The following CERS6 variants were observed in gnomAD, a reference collection of about 807,000 sequenced individuals.
The protein encoded by CERS6 is LAG1 homolog, ceramide synthase 6.
A neutral mutation model predicts 56.8 loss-of-function variants in CERS6; 26 were observed. The ratio of observed to expected loss-of-function variants is 0.46; its 90% CI spans 0.34 to 0.63. The LOEUF is 0.63. Among genes scored for constraint, CERS6 ranks in the 30% least tolerant of loss-of-function variants. CERS6 has a pLI of 0.01. For missense variants in CERS6, 415 were observed against 467.5 expected, an observed-to-expected ratio of 0.89 and a Z score of 1.04; for synonymous variants, 164 against 173.3, an observed-to-expected ratio of 0.95 and a Z score of 0.42.
chr2:168,560,616 A>G (rs1287794310), intron 2 of CERS6, among the ~76,000 whole-genome samples: 1 of 152,192 alleles, frequency 6.6e-6, no homozygotes, highest in Non-Finnish European at 1.5e-5. Context: ...TAGAAGAGGA[A>G]TGTGTGAAAA....
intron 2 of CERS6, among the ~76,000 whole-genome samples, chr2:168,557,113 C>T (rs898056561): frequency 5.3e-5 from 8 of 151,672 alleles, no homozygotes; most frequent in South Asian, 2.1e-4. Context: ...TGCAGTGAGC[C>T]GTGATGGCGC....
chr2:168,706,003 G>A (rs1574177046), intron 6 of CERS6, among the ~76,000 whole-genome samples: 1 of 152,186 alleles, frequency 6.6e-6, no homozygotes, highest in Non-Finnish European at 1.5e-5. Context: ...AACCCAGAAG[G>A]TGTGTCTAAA....
At chr2:168,606,361 T>C (rs1352745971) in intron 3 of CERS6, 1 of 152,266 alleles carries the variant, frequency 6.6e-6, no homozygotes, top group Non-Finnish European at 1.5e-5. Flanking sequence ...ATCTTGGAAG[T>C]AACTAACTTG....
intron 4 of CERS6, among the ~76,000 whole-genome samples, chr2:168,637,793 T>C (rs1382668576): frequency 6.6e-6 from 1 of 152,164 alleles, no homozygotes; most frequent in Non-Finnish European, 1.5e-5. Context: ...GTGGTAGTAA[T>C]GTAATGGATA....
At chr2:168,566,936 A>T (rs1189671593) in intron 3 of CERS6, among the ~76,000 whole-genome samples, 1 of 152,218 alleles carries the variant, frequency 6.6e-6, no homozygotes, top group Non-Finnish European at 1.5e-5. Context: ...CATCAGTTAC[A>T]AAATTTACTG....
intron 3 of CERS6, among the ~76,000 whole-genome samples, chr2:168,611,342 G>T (rs895760153): frequency 6.6e-6 from 1 of 152,136 alleles, no homozygotes; most frequent in African/African-American, 2.4e-5. Context: ...TCAGTACTCT[G>T]AGAGCCAAGT....
chr2:168,772,759 A>C lies in CERS6; in HGVS notation c.*3097A>C, dbSNP rs1684899015. 1 of 152,680 alleles carries C rather than the reference A, an allele frequency of 6.5e-6. No homozygotes were observed. Among genetic ancestry groups the C allele is most frequent in the Admixed American group, 6.5e-5 (1 of 15,288 alleles). The allele number at this position is 152,680 out of a possible 1,614,324, so 9.5% of individuals were successfully genotyped here. A position where few individuals can be genotyped will look rare whatever the true frequency, so the allele number is the denominator to read the frequency against. ...ATTCAAGTGTATGTGGTAAAAATGC[A>C]GATGATTGCTGCTTTACCCCAGGGT... On this transcript the variant is annotated 3_prime_UTR_variant, in exon 10 of 10. Coordinates refer to ENST00000305747, the MANE Select transcript of CERS6 (RefSeq NM_203463.3).
chr2:168,739,052 ATTTTTTTTTTTTTTTTT>A (rs59967315), intron 8 of CERS6, among the ~76,000 whole-genome samples: 2 of 87,624 alleles, frequency 2.3e-5, no homozygotes, highest in Non-Finnish European at 4.0e-5. Context: ...CACCCGGCTA[ATTTTTTTTTTTTTTTTT>A]TTTTTTTTTT....
chr2:168,478,561 A>G (rs1376106440), intron 1 of CERS6, among the ~76,000 whole-genome samples: 1 of 152,182 alleles, frequency 6.6e-6, no homozygotes, highest in East Asian at 1.9e-4. Flanking sequence ...CCCCATCACC[A>G]GGGAGCTTGT....
chr2:168,482,200 T>C (rs905917098), intron 1 of CERS6, among the ~76,000 whole-genome samples: 11 of 152,214 alleles, frequency 7.2e-5, no homozygotes, highest in Non-Finnish European at 1.3e-4. Context: ...GAAACTAAAA[T>C]AGGTTTTCTT....
Position 168,456,470 on chromosome 2 carries a change from T to C in CERS6, c.22T>C (p.Phe8Leu). ...CAAGATGGCAGGGATCTTAGCCTGG[T>C]TCTGGAACGAGAGGTTTTGGCTCCC... MAGILAW[F>L]WNERFWLPHN... is the part of the protein sequence containing the mutation. Residue 8 changes from phenylalanine to leucine, a missense_variant, in exon 1 of 10, where the codon TTC becomes CTC. Coordinates refer to ENST00000305747, the MANE Select transcript of CERS6 (RefSeq NM_203463.3). This position sits in a 1 kb window ranked among gnomAD's most constrained non-coding sequence, Gnocchi z 4.1. 1.2e-6 allele frequency: 2 copies of C among 1,613,720 alleles called. No homozygotes were observed. Among genetic ancestry groups the C allele is most frequent in the Non-Finnish European group, 1.7e-6 (2 of 1,179,768 alleles).
chr2:168,625,631 AAAG>A lies in CERS6; in HGVS notation c.408-5351_408-5349del, dbSNP rs1271574637. On this transcript the variant is annotated intron_variant, in intron 3 of 9. Coordinates refer to ENST00000305747, the MANE Select transcript of CERS6 (RefSeq NM_203463.3). The stretch of plus-strand genomic sequence containing the variant: ...GTAATCAAAGAGAAGGAGAGGAGGT[AAAG>A]AACAAGTCAGAATTACAGTGTTTTC... Among the ~76,000 whole-genome samples, 3 of 152,286 alleles carry A rather than the reference AAAG, an allele frequency of 2.0e-5. No homozygotes were observed. The South Asian group carries it at 6.2e-4, about 32-fold the overall frequency.
chr2:168,471,964 A>C (rs1693985979), intron 1 of CERS6, among the ~76,000 whole-genome samples: 1 of 152,152 alleles, frequency 6.6e-6, no homozygotes, highest in Non-Finnish European at 1.5e-5. Flanking sequence ...GAATCTGTGG[A>C]GAGAGGGAGA....
intron 8 of CERS6, among the ~76,000 whole-genome samples, chr2:168,747,295 T>A (rs897244515): frequency 1.9e-4 from 29 of 151,222 alleles, no homozygotes; most frequent in South Asian, 2.1e-4. Flanking sequence ...CAACAAATTT[T>A]TTTTTTTTTT....
intron 3 of CERS6, among the ~76,000 whole-genome samples, chr2:168,584,631 G>A (rs1001165587): frequency 1.3e-5 from 2 of 152,154 alleles, no homozygotes; most frequent in African/African-American, 4.8e-5. Flanking sequence ...AGATAATAGT[G>A]GGGCACCAAT....
At chr2:168,622,176 T>C (rs1271208245) in intron 3 of CERS6, among the ~76,000 whole-genome samples, 1 of 152,216 alleles carries the variant, frequency 6.6e-6, no homozygotes, top group East Asian at 1.9e-4. Flanking sequence ...TCCAATCTTT[T>C]GGCTTCCCTG....
chr2:168,744,317 T>C (rs1250386277), intron 8 of CERS6, among the ~76,000 whole-genome samples: 1 of 152,138 alleles, frequency 6.6e-6, no homozygotes, highest in Non-Finnish European at 1.5e-5. Context: ...GTTACTGTTT[T>C]CTGGTTAGGA....
chr2:168,689,505 T>A (rs1686443488), intron 4 of CERS6, among the ~76,000 whole-genome samples: 1 of 152,196 alleles, frequency 6.6e-6, no homozygotes, highest in South Asian at 2.1e-4. Context: ...TCTTCCTCAA[T>A]GGACACATAT....
At chr2:168,639,504 A>G (rs753999807) in intron 4 of CERS6, among the ~76,000 whole-genome samples, 5 of 152,220 alleles carry the variant, frequency 3.3e-5, no homozygotes, top group Non-Finnish European at 4.4e-5. Flanking sequence ...TTCACATACC[A>G]TGATCACCAT....
Sources: allele counts gnomAD v4.1 joint callset (sites outside exome capture counted in the v4.1 genomes callset), GRCh38; gene constraint gnomAD v4.1.1; non-coding constraint Gnocchi (gnomAD v3.1); transcripts MANE v1.5; gene names NCBI Gene and HGNC (gene_info 2026-07-23, HGNC 2026-07-21).